Variants in ZMAT4 observed in about 807,000 individuals in gnomAD.
The protein encoded by ZMAT4 is zinc finger matrin-type 4, also known as zinc finger matrin-type protein 4.
In ZMAT4, 17 loss-of-function variants were observed where a neutral mutation model predicts 28.7. That is an observed-to-expected ratio of 0.59 (90% CI 0.41 to 0.89). ZMAT4 has a LOEUF of 0.89. Among genes scored for constraint, ZMAT4 ranks in the 40% least tolerant of loss-of-function variants. The pLI is 0.00. For synonymous variants in ZMAT4, 117 were observed against 109.2 expected, an observed-to-expected ratio of 1.07 and a Z score of -0.44; for missense variants, 240 against 283.8, an observed-to-expected ratio of 0.85 and a Z score of 1.11.
chr8:40,810,230 C>T (rs971358479), intron 2 of ZMAT4, among the ~76,000 whole-genome samples: 3 of 152,142 alleles, frequency 2.0e-5, no homozygotes, highest in Admixed American at 1.3e-4. Context: ...AATGGATTTG[C>T]GGACTTCTTC....
At chr8:40,837,675 C>T (rs896658902) in intron 1 of ZMAT4, among the ~76,000 whole-genome samples, 1 of 152,222 alleles carries the variant, frequency 6.6e-6, no homozygotes, top group Non-Finnish European at 1.5e-5. Context: ...CTAAACAGTG[C>T]AGACCTCACT....
intron 1 of ZMAT4, among the ~76,000 whole-genome samples, chr8:40,862,205 T>C (rs768322633): frequency 2.1e-4 from 32 of 152,018 alleles, no homozygotes; most frequent in African/African-American, 6.8e-4. Flanking sequence ...ATTAAGAAAA[T>C]TTGGCACATA....
intron 6 of ZMAT4, among the ~76,000 whole-genome samples, chr8:40,557,430 A>G (rs915920101): frequency 6.6e-6 from 1 of 152,084 alleles, no homozygotes; most frequent in Non-Finnish European, 1.5e-5. Context: ...TTTTTCTAGT[A>G]CTATTTTAAA....
At chr8:40,886,983 A>T (rs1818476001) in intron 1 of ZMAT4, among the ~76,000 whole-genome samples, 1 of 152,030 alleles carries the variant, frequency 6.6e-6, no homozygotes, top group African/African-American at 2.4e-5. Flanking sequence ...CAACCTGGCT[A>T]ACATGGTGAA....
At chr8:40,679,977 T>C (rs912346253) in intron 4 of ZMAT4, among the ~76,000 whole-genome samples, 1 of 152,152 alleles carries the variant, frequency 6.6e-6, no homozygotes, top group African/African-American at 2.4e-5. Context: ...ATTTAGAGCT[T>C]AGGTAGCTAA....
intron 1 of ZMAT4, among the ~76,000 whole-genome samples, chr8:40,892,696 G>A (rs1026965825): frequency 1.3e-5 from 2 of 152,214 alleles, no homozygotes; most frequent in Admixed American, 6.5e-5. Context: ...CAACGCCAAG[G>A]CCTGTTACCT....
At chr8:40,559,371 A>C (rs551813207) in intron 6 of ZMAT4, among the ~76,000 whole-genome samples, 2 of 152,278 alleles carry the variant, frequency 1.3e-5, no homozygotes, top group South Asian at 2.1e-4. Flanking sequence ...TGTAACATGC[A>C]TGTTTGTTCA....
chr8:40,557,903 G>T (rs1461173809), intron 6 of ZMAT4, among the ~76,000 whole-genome samples: 3 of 152,200 alleles, frequency 2.0e-5, no homozygotes, highest in Non-Finnish European at 4.4e-5. Context: ...ATGATAAAAA[G>T]ATGGGAATAT....
At chr8:40,687,826 A>G (rs1000698147) in intron 4 of ZMAT4, among the ~76,000 whole-genome samples, 3 of 152,160 alleles carry the variant, frequency 2.0e-5, no homozygotes, top group Non-Finnish European at 2.9e-5. Flanking sequence ...TGAAATGCAA[A>G]ATGAAGATGC....
At position 40,782,434 on chromosome 8, in the gene ZMAT4, G is replaced by A. The variant is rs1416543087; in HGVS notation, c.103-14704C>T. Among the ~76,000 whole-genome samples the A allele has an allele frequency of 2.0e-5, 3 of 152,004 alleles. No individual in the cohort carries two copies. In the East Asian group the frequency reaches 5.8e-4, roughly 29 times the overall value. ...ACAAACAAACAAAAACAAAAAGAAAGTGAAAAGACAACACACAGAATGGGA... is the reference window on the plus strand; with the variant it reads ...ACAAACAAACAAAAACAAAAAGAAAATGAAAAGACAACACACAGAATGGGA... On this transcript the variant is annotated intron_variant, in intron 2 of 6. Transcript: ENST00000297737.
intron 5 of ZMAT4, among the ~76,000 whole-genome samples, chr8:40,646,273 T>A (rs1365207005): frequency 3.9e-5 from 6 of 151,938 alleles, no homozygotes. Context: ...CTCTTCGTGC[T>A]TTTTTTCATG....
chr8:40,575,685 C>T (rs1215265095), intron 6 of ZMAT4, among the ~76,000 whole-genome samples: 1 of 140,322 alleles, frequency 7.1e-6, no homozygotes, highest in Non-Finnish European at 1.5e-5. Flanking sequence ...GAAAGCTATT[C>T]CATAAAATTG....
intron 5 of ZMAT4, among the ~76,000 whole-genome samples, chr8:40,652,754 T>C (rs1357916334): frequency 8.0e-6 from 1 of 125,440 alleles, no homozygotes; most frequent in Non-Finnish European, 1.7e-5. Context: ...TATGCAGCCA[T>C]AAAAAATGAT....
intron 3 of ZMAT4, among the ~76,000 whole-genome samples, chr8:40,751,721 T>A (rs533060260): frequency 6.6e-6 from 1 of 152,254 alleles, no homozygotes; most frequent in South Asian, 2.1e-4. Flanking sequence ...AGAGGGCGGT[T>A]ACAGAAGAAG....
At position 40,750,857 on chromosome 8, in the gene ZMAT4, G is replaced by A. The variant is rs187187933; in HGVS notation, c.192+16784C>T. Reference sequence around the variant, plus strand: ...TTAACCTTGCAGAACTGAAGTTAGAGAGCGATTGTGATATAAAATAATCAC... The same window carrying A: ...TTAACCTTGCAGAACTGAAGTTAGAAAGCGATTGTGATATAAAATAATCAC... On this transcript the variant is annotated intron_variant, in intron 3 of 6. Transcript: ENST00000297737. 1.7e-3 allele frequency among the ~76,000 whole-genome samples: 254 copies of A among 152,364 alleles called. 2 individuals carry two copies. Among genetic ancestry groups the A allele is most frequent in the Non-Finnish European group, 2.5e-3 (170 of 68,042 alleles).
chr8:40,721,135 C>G (rs1235720951), intron 3 of ZMAT4, among the ~76,000 whole-genome samples: 6 of 123,500 alleles, frequency 4.9e-5, no homozygotes, highest in African/African-American at 1.3e-4. Flanking sequence ...CCCCTCCCCC[C>G]ACCCCACCAC....
chr8:40,847,202 T>TAA (rs199603252), intron 1 of ZMAT4, among the ~76,000 whole-genome samples: 38 of 86,376 alleles, frequency 4.4e-4, no homozygotes, highest in African/African-American at 1.0e-3. Context: ...AGATTCCATC[T>TAA]AAAAAAACAA....
At chr8:40,769,508 C>T (rs2150562961) in intron 2 of ZMAT4, among the ~76,000 whole-genome samples, 1 of 152,254 alleles carries the variant, frequency 6.6e-6, no homozygotes, top group East Asian at 1.9e-4. Flanking sequence ...ACTACTACTA[C>T]AGTCAAAAGA....
chr8:40,598,741 A>T (rs1262725273), intron 5 of ZMAT4, among the ~76,000 whole-genome samples: 1 of 152,200 alleles, frequency 6.6e-6, no homozygotes, highest in South Asian at 2.1e-4. Context: ...CAACATGCAT[A>T]AGAAAATAAA....
Sources: allele counts gnomAD v4.1 joint callset (sites outside exome capture counted in the v4.1 genomes callset), GRCh38; gene constraint gnomAD v4.1.1; transcripts MANE v1.5; gene names NCBI Gene and HGNC (gene_info 2026-07-23, HGNC 2026-07-21).